Variants in MYO9B observed in about 807,000 individuals in gnomAD.
The protein encoded by MYO9B is myosin IXB.
In MYO9B, 71 loss-of-function variants were observed where a neutral mutation model predicts 229.5. The ratio of observed to expected loss-of-function variants is 0.31; its 90% CI spans 0.26 to 0.38. The LOEUF (loss-of-function observed/expected upper bound fraction) is 0.38, where lower values mean the gene tolerates loss of function less well. Ranked by LOEUF, MYO9B falls within the 10% of genes least tolerant of loss-of-function variation. MYO9B has a pLI of 1.00. For synonymous variants in MYO9B, 1,185 were observed against 1,235.8 expected (o/e 0.96, Z 0.86); for missense variants, 2,255 against 2,920.5 (o/e 0.77, Z 5.25).
chr19:17,201,834 A>C, intron 26 of MYO9B, 92 bp from the exon 27 acceptor site: 3 of 879,832 alleles, frequency 3.4e-6, no homozygotes, highest in Non-Finnish European at 5.5e-6. Flanking sequence ...GGGATGACTT[A>C]AGAGAGGATA....
chr19:17,096,211 G>A (rs1003851154), intron 1 of MYO9B, among the ~76,000 whole-genome samples: 4 of 152,122 alleles, frequency 2.6e-5, no homozygotes, highest in Non-Finnish European at 5.9e-5. Flanking sequence ...GTGTTCATTC[G>A]GTGGGTGGAC....
chr19:17,088,450 T>C (rs917643511), intron 1 of MYO9B, among the ~76,000 whole-genome samples: 9 of 152,266 alleles, frequency 5.9e-5, no homozygotes, highest in African/African-American at 1.7e-4. Context: ...TGCCTCTCTT[T>C]GTAATTTTGC....
At chr19:17,190,377 G>T (rs2072969362) in intron 19 of MYO9B, among the ~76,000 whole-genome samples, 1 of 148,934 alleles carries the variant, frequency 6.7e-6, no homozygotes, top group South Asian at 2.3e-4. Flanking sequence ...TAGAGACAGG[G>T]TTTTGCCATG....
intron 14 of MYO9B, chr19:17,177,677 A>T (rs939351305): frequency 6.6e-5 from 10 of 152,296 alleles, no homozygotes; most frequent in African/African-American, 2.4e-4. Context: ...GTTACCCCAA[A>T]GACAAAGTGA....
At chr19:17,124,725 A>T (rs1446726146) in intron 2 of MYO9B, among the ~76,000 whole-genome samples, 1 of 146,572 alleles carries the variant, frequency 6.8e-6, no homozygotes, top group Non-Finnish European at 1.5e-5. Context: ...GCGCCACTGC[A>T]CTCCAGCCTG....
At chr19:17,115,360 T>G (rs1395632592) in intron 2 of MYO9B, among the ~76,000 whole-genome samples, 1 of 152,020 alleles carries the variant, frequency 6.6e-6, no homozygotes, top group Admixed American at 6.6e-5. Context: ...GCTGAAAATA[T>G]TTACTACCTG....
intron 1 of MYO9B, among the ~76,000 whole-genome samples, chr19:17,083,876 C>T (rs2057557693): frequency 6.6e-6 from 1 of 151,862 alleles, no homozygotes; most frequent in African/African-American, 2.4e-5. Context: ...GTCTTGAATT[C>T]GTGACCTCAG....
intron 35 of MYO9B, 55 bp from the exon 36 acceptor site, chr19:17,209,531 C>G: frequency 1.3e-6 from 2 of 1,539,908 alleles, no homozygotes; most frequent in Admixed American, 4.0e-5. Flanking sequence ...CCCTGGACCT[C>G]AGACGTCCCC....
intron 2 of MYO9B, among the ~76,000 whole-genome samples, chr19:17,130,694 G>T (rs919630390): frequency 1.3e-5 from 2 of 151,860 alleles, no homozygotes; most frequent in Admixed American, 1.3e-4. Flanking sequence ...TGAGGCAGGA[G>T]GATCGCTTGA....
In MYO9B at chr19:17,212,093, G is replaced by C; in HGVS notation, c.6257G>C (p.Gly2086Ala). ...LPSHLPRWAP[G>A]AREAAAPVRR... ...TCCCACCTGCCTCGCTGGGCACCGG[G>C]TGCCCGGGAGGCGGCTGCCCCAGTG... Residue 2086 changes from glycine to alanine, a missense_variant, in exon 40 of 40, where the codon GGT (glycine) becomes GCT (alanine). Gly to Ala is a moderately conservative substitution (Grantham distance 60). This residue lies in a region of MYO9B where 331 missense variants were observed against 332.5 expected (regional missense o/e 1.00). Coordinates refer to ENST00000682292, the MANE Select transcript of MYO9B (RefSeq NM_004145.4). The surrounding 1 kb of genome is among the most constrained non-coding windows in gnomAD (Gnocchi z 5.4). 1.3e-6 allele frequency: 2 copies of C among 1,591,526 alleles called. No individual in the cohort carries two copies. Among genetic ancestry groups the C allele is most frequent in the Non-Finnish European group, 1.7e-6 (2 of 1,171,280 alleles).
At chr19:17,164,571 A>G (rs1568281024) in intron 10 of MYO9B, among the ~76,000 whole-genome samples, 1 of 152,042 alleles carries the variant, frequency 6.6e-6, no homozygotes, top group African/African-American at 2.4e-5. Context: ...TAGTAGAGAT[A>G]GGGTTTCACC....
At chr19:17,129,299 G>C (rs1428926032) in intron 2 of MYO9B, among the ~76,000 whole-genome samples, 1 of 152,184 alleles carries the variant, frequency 6.6e-6, no homozygotes, top group African/African-American at 2.4e-5. Flanking sequence ...CTACTCTGGA[G>C]GCTGAGACAG....
chr19:17,144,982 A>G (rs1386277644), intron 2 of MYO9B, among the ~76,000 whole-genome samples: 2 of 150,532 alleles, frequency 1.3e-5, no homozygotes, highest in Non-Finnish European at 3.0e-5. Context: ...AAAAAAAAAA[A>G]AAAAAAAAAG....
chr19:17,115,897 A>T (rs983410120), intron 2 of MYO9B, among the ~76,000 whole-genome samples: 1 of 151,938 alleles, frequency 6.6e-6, no homozygotes, highest in Non-Finnish European at 1.5e-5. Context: ...TGCCATAGAC[A>T]TACATACGTA....
Position 17,111,437 on chromosome 19 carries a change from C to T in MYO9B, c.840+8880C>T, listed in dbSNP as rs935443484. 4.6e-5 allele frequency among the ~76,000 whole-genome samples: 7 copies of T among 152,060 alleles called. No individual in the cohort carries two copies. The East Asian group carries it at 1.3e-3, about 29-fold the overall frequency. ...TATAAATATATAGATTAAATTGTATCTGCATTTTATAAATGTATAAATTAT... is the reference window on the plus strand; with the variant it reads ...TATAAATATATAGATTAAATTGTATTTGCATTTTATAAATGTATAAATTAT... On this transcript the variant is annotated intron_variant, in intron 2 of 39. Transcript: ENST00000682292.
chr19:17,192,856 G>A lies in MYO9B; in HGVS notation c.2922G>A (p.Arg974=). ...GGTTCCGGATGGTGCTGGAGCGTCGGCACTTCCTGCAGATGAAGCGGGCCG... is the reference window on the plus strand; with the variant it reads ...GGTTCCGGATGGTGCTGGAGCGTCGACACTTCCTGCAGATGAAGCGGGCCG... ...QSWFRMVLER[R]HFLQMKRAAV... is the part of the protein sequence containing the mutation. The change falls in exon 21 of 40, where the codon CGG becomes CGA. Residue 974 remains arginine, a synonymous_variant. Coordinates refer to ENST00000682292, the MANE Select transcript of MYO9B (RefSeq NM_004145.4). The A allele has an allele frequency of 6.4e-7, 1 of 1,551,380 alleles. No individual in the cohort carries two copies. Among genetic ancestry groups the A allele is most frequent in the Non-Finnish European group, 8.7e-7 (1 of 1,147,636 alleles).
At chr19:17,103,767 A>C (rs2057767636) in intron 2 of MYO9B, 1 of 152,136 alleles carries the variant, frequency 6.6e-6, no homozygotes, top group Admixed American at 6.6e-5. Context: ...AAATACAGAA[A>C]ATAAGTCACT....
chr19:17,157,353 G>A (rs1364135352), intron 7 of MYO9B: 3 of 256,416 alleles, frequency 1.2e-5, no homozygotes, highest in East Asian at 9.0e-5. Context: ...TCAGGAGTTC[G>A]AGATCAGATT....
intron 3 of MYO9B, among the ~76,000 whole-genome samples, chr19:17,149,439 G>T (rs569486324): frequency 1.3e-5 from 2 of 152,270 alleles, no homozygotes; most frequent in Non-Finnish European, 2.9e-5. Flanking sequence ...CAGGACCAGT[G>T]GACCTCCATG....
Sources: gnomAD v4.1 joint callset for allele counts (sites outside exome capture counted in the v4.1 genomes callset) on GRCh38, gnomAD v4.1.1 for gene constraint, gnomAD v4.1.1 regional missense constraint, Gnocchi (gnomAD v3.1) non-coding constraint, MANE v1.5 for transcripts, NCBI Gene and HGNC (gene_info 2026-07-23, HGNC 2026-07-21) for gene names.